The following CNTN1 variants were observed in gnomAD, a reference collection of about 807,000 sequenced individuals.
The protein encoded by CNTN1 is contactin-1.
In CNTN1, 38 loss-of-function variants were observed where a neutral mutation model predicts 126.4. The ratio of observed to expected loss-of-function variants is 0.30; its 90% confidence interval spans 0.23 to 0.39. The LOEUF is 0.39. CNTN1 is among the 10% of genes least tolerant of loss of function. CNTN1 has a pLI of 1.00. For synonymous variants in CNTN1, 413 were observed against 422.6 expected (o/e 0.98, Z 0.28); for missense variants, 1,009 against 1,248.4 (o/e 0.81, Z 2.89).
At chr12:40,767,590 G>A (rs1592064727) in intron 1 of CNTN1, among the ~76,000 whole-genome samples, 1 of 151,368 alleles carries the variant, frequency 6.6e-6, no homozygotes, top group African/African-American at 2.4e-5. Context: ...TTACAGGCAT[G>A]AGCCACGGCT....
chr12:40,794,327 G>A (rs1323193335), intron 1 of CNTN1, among the ~76,000 whole-genome samples: 1 of 152,052 alleles, frequency 6.6e-6, no homozygotes, highest in East Asian at 1.9e-4. Flanking sequence ...AGTTGTGCCA[G>A]CCAGTACAGA....
intron 19 of CNTN1, among the ~76,000 whole-genome samples, chr12:41,019,762 A>C (rs1948865200): frequency 6.6e-6 from 1 of 152,170 alleles, no homozygotes. Context: ...GGCTCTTAAA[A>C]ATTTTTTTTT....
intron 1 of CNTN1, among the ~76,000 whole-genome samples, chr12:40,863,192 A>C (rs1943174299): frequency 6.6e-6 from 1 of 152,168 alleles, no homozygotes; most frequent in South Asian, 2.1e-4. Context: ...ATTATGTTCA[A>C]TGCTGGACTG....
chr12:40,934,335 G>C (rs1363135419), intron 9 of CNTN1, among the ~76,000 whole-genome samples: 2 of 151,972 alleles, frequency 1.3e-5, no homozygotes, highest in Non-Finnish European at 2.9e-5. Context: ...AGGTCTGTTA[G>C]GGGCTCATGA....
intron 23 of CNTN1, among the ~76,000 whole-genome samples, chr12:41,059,746 C>CA (rs1347021659): frequency 6.6e-6 from 1 of 152,018 alleles, no homozygotes; most frequent in African/African-American, 2.4e-5. Context: ...TTGAACAGGC[C>CA]AAGTGCAGTG....
rs1271620541 is a variant in CNTN1 at position 40,729,077 on chromosome 12, G to A, written c.-77+36485G>A. ...GTAAACTTAGGCCACATTATCCACT[G>A]ATGACAACAAGACTGGTGCCAAGTT... On this transcript the variant is annotated intron_variant, in intron 1 of 23. Coordinates refer to ENST00000551295, the MANE Select transcript of CNTN1 (RefSeq NM_001843.4). 3 of 168,022 alleles carry A rather than the reference G, an allele frequency of 1.8e-5. No individual in the cohort carries two copies. In the East Asian group the frequency reaches 4.5e-4, roughly 25 times the overall value. 10.4% of individuals were successfully genotyped at this position (168,022 alleles called of 1,614,324 possible).
At chr12:40,744,312 A>AT (rs1484716396) in intron 1 of CNTN1, among the ~76,000 whole-genome samples, 1 of 146,870 alleles carries the variant, frequency 6.8e-6, no homozygotes, top group Non-Finnish European at 1.5e-5. Flanking sequence ...AATAAAAAAA[A>AT]AATAAAAGAA....
chr12:40,793,398 G>A (rs1609452), intron 1 of CNTN1, among the ~76,000 whole-genome samples: 151,231 of 151,846 alleles, frequency 1, 75,311 homozygotes, highest in Middle Eastern at 1. Context: ...AAGTGTCCCA[G>A]CTAAGAACCT....
chr12:40,742,970 T>C (rs1368049339), intron 1 of CNTN1, among the ~76,000 whole-genome samples: 1 of 152,114 alleles, frequency 6.6e-6, no homozygotes, highest in Non-Finnish European at 1.5e-5. Flanking sequence ...TTAAATTCTG[T>C]TACCTTACAG....
At chr12:40,701,917 T>G (rs1295558485) in intron 1 of CNTN1, among the ~76,000 whole-genome samples, 1 of 152,112 alleles carries the variant, frequency 6.6e-6, no homozygotes, top group Non-Finnish European at 1.5e-5. Flanking sequence ...TACTATGAAA[T>G]CAACACTCAT....
chr12:40,729,281 G>A (rs10879094), intron 1 of CNTN1: 156,822 of 159,030 alleles, frequency 0.99, 77,348 homozygotes, highest in Middle Eastern at 1. Context: ...AGGTGTAACT[G>A]CTGAAGGAAC....
chr12:40,933,857 C>A lies in CNTN1; in HGVS notation c.964C>A (p.Gln322Lys). 6.2e-7 allele frequency: 1 copy of A among 1,611,598 alleles called. No homozygotes were observed. The highest frequency in any genetic ancestry group is 1.1e-5 in the South Asian group (1 of 91,022). ...AENIRGKDKH[Q>K]ARIYVQAFPE... The stretch of plus-strand genomic sequence containing the variant: ...GAACATTAGAGGAAAGGATAAACAT[C>A]AAGCAAGAATTTATGTTCAAGGTAG... Residue 322 changes from glutamine to lysine, a missense_variant, in exon 9 of 24, where the codon CAA (glutamine) becomes AAA (lysine). Coordinates refer to ENST00000551295, the MANE Select transcript of CNTN1 (RefSeq NM_001843.4).
At chr12:41,018,090 CAAAA>C (rs112670448) in intron 19 of CNTN1, among the ~76,000 whole-genome samples, 1 of 146,818 alleles carries the variant, frequency 6.8e-6, no homozygotes, top group Admixed American at 6.8e-5. Flanking sequence ...AAGTCCATCT[CAAAA>C]AAAAAAAATA....
chr12:40,848,568 A>G (rs181992501), intron 1 of CNTN1, among the ~76,000 whole-genome samples: 3 of 152,340 alleles, frequency 2.0e-5, no homozygotes, highest in East Asian at 3.9e-4. Flanking sequence ...GAAAGTTATA[A>G]TAAACAGTAA....
In CNTN1 at chr12:40,937,574, A is replaced by G. The variant is rs1355556454; in HGVS notation, c.1115A>G (p.His372Arg). The change falls in exon 11 of 24, where the codon CAT (histidine) becomes CGT (arginine). Residue 372 changes from histidine to arginine, a missense_variant. Transcript: ENST00000551295. ...IRWLKNGYAY[H>R]KGELRLYDVT... The stretch of plus-strand genomic sequence containing the variant: ...TTTCAATTTTATTCTTTTCAGTATC[A>G]TAAAGGGGAATTAAGACTGTATGAT... The G allele has an allele frequency of 6.3e-7, 1 of 1,578,698 alleles. No individual in the cohort carries two copies. Among genetic ancestry groups the G allele is most frequent in the Non-Finnish European group, 8.7e-7 (1 of 1,147,814 alleles).
intron 1 of CNTN1, among the ~76,000 whole-genome samples, chr12:40,832,429 CT>C (rs1349432368): frequency 1.3e-5 from 2 of 152,120 alleles, no homozygotes; most frequent in Non-Finnish European, 1.5e-5. Context: ...TTGTGTTATA[CT>C]TGCCTACAGT....
chr12:40,854,051 T>A (rs919781585), intron 1 of CNTN1, among the ~76,000 whole-genome samples: 14 of 149,806 alleles, frequency 9.3e-5, no homozygotes, highest in Non-Finnish European at 2.1e-4. Context: ...ATTTTAGAGA[T>A]TTTTATTAAA....
chr12:40,939,229 A>G, intron 11 of CNTN1, 106 bp from the exon 12 acceptor site: 1 of 1,218,720 alleles, frequency 8.2e-7, no homozygotes, highest in East Asian at 2.5e-5. Context: ...ACCGAGATTA[A>G]TCCTTTCCAT....
At chr12:40,750,807 G>C (rs899512867) in intron 1 of CNTN1, among the ~76,000 whole-genome samples, 11 of 152,036 alleles carry the variant, frequency 7.2e-5, no homozygotes, top group African/African-American at 2.4e-4. Context: ...GAGATCCTCT[G>C]GTCATTCAAG....
Sources: allele counts gnomAD v4.1 joint callset (sites outside exome capture counted in the v4.1 genomes callset), GRCh38; gene constraint gnomAD v4.1.1; transcripts MANE v1.5; gene names NCBI Gene and HGNC (gene_info 2026-07-23, HGNC 2026-07-21).